Variants in GALNT15 observed in about 807,000 individuals in gnomAD.
The protein encoded by GALNT15 is UDP-GalNAc transferase T15.
A neutral mutation model predicts 66.8 loss-of-function variants in GALNT15; 67 were observed. The ratio of observed to expected loss-of-function variants is 1.00; its 90% confidence interval spans 0.82 to 1.23. The LOEUF (loss-of-function observed/expected upper bound fraction) is 1.23, where lower values mean the gene tolerates loss of function less well. GALNT15 is among the 50% of genes most tolerant of loss of function. The pLI is 0.00. For missense variants in GALNT15, 827 were observed against 804.3 expected (o/e 1.03, Z -0.34); for synonymous variants, 313 against 311.5 (o/e 1.00, Z -0.05).
chr3:16,178,018 G>A (rs2063429530), intron 1 of GALNT15, among the ~76,000 whole-genome samples: 1 of 152,134 alleles, frequency 6.6e-6, no homozygotes, highest in Non-Finnish European at 1.5e-5. Context: ...TGTGCATGTG[G>A]TGTGATGTGC....
Position 16,201,322 on chromosome 3 carries a change from C to T in GALNT15, c.911+499C>T, listed in dbSNP as rs372048127. ...TCAGCCTCCCGAGTAGCTGGGACTA[C>T]AGGCGCCCGCCACCACACCCGGCTA... On this transcript the variant is annotated intron_variant, in intron 3 of 9. Coordinates refer to ENST00000339732, the MANE Select transcript of GALNT15 (RefSeq NM_054110.5). Among the ~76,000 whole-genome samples, 8 of 152,120 alleles carry T rather than the reference C, an allele frequency of 5.3e-5. No homozygotes were observed. In the East Asian group the frequency reaches 1.2e-3, roughly 22 times the overall value.
chr3:16,206,925 G>T (rs2063763716), intron 3 of GALNT15, among the ~76,000 whole-genome samples: 1 of 152,124 alleles, frequency 6.6e-6, no homozygotes, highest in Non-Finnish European at 1.5e-5. Flanking sequence ...GTAAGTGGAG[G>T]CTCTGGAAGG....
At chr3:16,192,938 A>G (rs2063595063) in intron 1 of GALNT15, among the ~76,000 whole-genome samples, 1 of 152,196 alleles carries the variant, frequency 6.6e-6, no homozygotes, top group Non-Finnish European at 1.5e-5. Context: ...ATGGGTGTTA[A>G]ATTTTCTCTT....
rs868128182 is a variant in GALNT15 at position 16,203,535 on chromosome 3, T to A, written c.911+2712T>A. ...TGGTCACTCATTCTCTCTCTCTCTC[T>A]CTCTCTCTCACACACACACACACAC... On this transcript the variant is annotated intron_variant, in intron 3 of 9. Transcript: ENST00000339732. The surrounding 1 kb of genome is among the most constrained non-coding windows in gnomAD (Gnocchi z 6.2). 2.6e-4 allele frequency among the ~76,000 whole-genome samples: 24 copies of A among 91,194 alleles called. No individual in the cohort carries two copies. The highest frequency in any genetic ancestry group is 9.2e-4 in the African/African-American group (24 of 25,980). The allele number at this position is 91,194 out of a possible 152,430, so 59.8% of individuals were successfully genotyped here. A position where few individuals can be genotyped will look rare whatever the true frequency, so the allele number is the denominator to read the frequency against.
At position 16,175,642 on chromosome 3, in the gene GALNT15, G is replaced by A. The variant is rs779002858; in HGVS notation, c.491G>A (p.Ser164Asn). The A allele has an allele frequency of 5.0e-6, 8 of 1,612,050 alleles. No homozygotes were observed. The highest frequency in any genetic ancestry group is 6.8e-6 in the Non-Finnish European group (8 of 1,179,430). ...CCACGTGGCCTCCAGGAGGCACTCA[G>A]TGCCCGCATCCCCCTCCAGAGGGCT... The part of the protein sequence containing the change: ...LDPRGLQEAL[S>N]ARIPLQRALP... Residue 164 changes from serine to asparagine, a missense_variant, in exon 1 of 10, where the codon AGT (serine) becomes AAT (asparagine). Ser to Asn is a conservative substitution (Grantham distance 46). Transcript: ENST00000339732. The surrounding 1 kb of genome is among the most constrained non-coding windows in gnomAD (Gnocchi z 5.6).
rs1426918013 is a variant in GALNT15, at chr3:16,212,493, C to T, written c.1198-76C>T. ...TTTCCTGTGCATTTTGCCAGCCCCT[C>T]ATAGATAGGGCTCCCTATTTCCCGC... On this transcript the variant is annotated intron_variant, in intron 5 of 9. Coordinates refer to ENST00000339732, the MANE Select transcript of GALNT15 (RefSeq NM_054110.5). The T allele has an allele frequency of 2.9e-6, 4 of 1,395,408 alleles. No individual in the cohort carries two copies. The Admixed American group carries it at 8.1e-5, about 28-fold the overall frequency. 86.4% of individuals were successfully genotyped at this position (1,395,408 alleles called of 1,614,324 possible).
In GALNT15 at chr3:16,219,433, C is replaced by CA. The variant is rs758779261; in HGVS notation, c.1424dup (p.Leu476AlafsTer16). ...GAAGCCAGACTGCATGGAACGCTTG[C>CA]AGCTGCAAAGGAGACTGGGTTGTCG... On this transcript the variant is annotated frameshift_variant, in exon 7 of 10. Transcript: ENST00000339732. LOFTEE classifies it high-confidence loss of function. The surrounding 1 kb of genome is among the most constrained non-coding windows in gnomAD (Gnocchi z 4.3). The CA allele has an allele frequency of 6.8e-6, 11 of 1,614,088 alleles. No individual in the cohort carries two copies. In the African/African-American group the frequency reaches 1.2e-4, roughly 18 times the overall value.
At chr3:16,241,334 G>A in the GALNT15 span, among the ~76,000 whole-genome samples, 1 of 152,108 alleles carries the variant, frequency 6.6e-6, no homozygotes, top group African/African-American at 2.4e-5. This position sits in a 1 kb window ranked among gnomAD's most constrained non-coding sequence, Gnocchi z 4.6. Flanking sequence ...CAGAATGAAA[G>A]TGGAAAAGAA....
In GALNT15 at chr3:16,211,337, G is replaced by A; in HGVS notation, c.1197+96G>A. The A allele has an allele frequency of 1.3e-6, 1 of 788,454 alleles. No individual in the cohort carries two copies. The highest frequency in any genetic ancestry group is 2.2e-6 in the Non-Finnish European group (1 of 455,032). 48.8% of individuals were successfully genotyped at this position (788,454 alleles called of 1,614,324 possible). ...AGGCATTAGAAATGTCACTGGGAAG[G>A]AATGAGGCTGTGGGAAAATTATAAA... On this transcript the variant is annotated intron_variant, in intron 5 of 9. Transcript: ENST00000339732. This position sits in a 1 kb window ranked among gnomAD's most constrained non-coding sequence, Gnocchi z 4.3.
At chr3:16,207,302 C>T (rs1357678645) in intron 3 of GALNT15, among the ~76,000 whole-genome samples, 4 of 151,954 alleles carry the variant, frequency 2.6e-5, no homozygotes. Flanking sequence ...TCTAGCCACC[C>T]TGAAGTTCAG....
At position 16,227,986 on chromosome 3, in the gene GALNT15, A is replaced by G. The variant is rs2064041242; in HGVS notation, c.*486A>G. 1 of 991,376 alleles carries G rather than the reference A, an allele frequency of 1.0e-6. No homozygotes were observed. Among genetic ancestry groups the G allele is most frequent in the Admixed American group, 6.0e-5 (1 of 16,632 alleles). The allele number at this position is 991,376 out of a possible 1,614,324, so 61.4% of individuals were successfully genotyped here. A position where few individuals can be genotyped will look rare whatever the true frequency, so the allele number is the denominator to read the frequency against. On this transcript the variant is annotated 3_prime_UTR_variant, in exon 10 of 10. Transcript: ENST00000339732. This position sits in a 1 kb window ranked among gnomAD's most constrained non-coding sequence, Gnocchi z 4.5. ...AACTCTGAATTGGGTTTATTAGCAC[A>G]AATGTTGTGTTCATTTGTTGAGCCA...
intron 2 of GALNT15, among the ~76,000 whole-genome samples, chr3:16,197,606 T>C (rs9863989): frequency 0.013 from 2,009 of 152,314 alleles, 46 homozygotes; most frequent in African/African-American, 0.045. Context: ...CTGAGCCACC[T>C]TGATGGGCTT....
At chr3:16,194,940 A>G (rs1009473276) in intron 1 of GALNT15, among the ~76,000 whole-genome samples, 1 of 152,258 alleles carries the variant, frequency 6.6e-6, no homozygotes, top group Middle Eastern at 3.2e-3. Context: ...ATGTTTACCT[A>G]TGTAGCAAAC....
chr3:16,247,785 C>A, the GALNT15 span, among the ~76,000 whole-genome samples: 1 of 152,224 alleles, frequency 6.6e-6, no homozygotes, highest in Admixed American at 6.5e-5. Context: ...GGGCTTCCCT[C>A]GACCTCAGTC....
In GALNT15 at chr3:16,175,679, G is replaced by A. The variant is rs1363601449; in HGVS notation, c.528G>A (p.Val176=). 6.3e-7 allele frequency: 1 copy of A among 1,586,868 alleles called. No homozygotes were observed. Among genetic ancestry groups the A allele is most frequent in the East Asian group, 2.2e-5 (1 of 44,494 alleles). The change falls in exon 1 of 10, where the codon GTG becomes GTA. Residue 176 remains valine (V), a synonymous_variant. Coordinates refer to ENST00000339732, the MANE Select transcript of GALNT15 (RefSeq NM_054110.5). The surrounding 1 kb of genome is among the most constrained non-coding windows in gnomAD (Gnocchi z 5.6). ...RIPLQRALPE[V]RHPLCLQQHP... ...CCCTCCAGAGGGCTCTGCCCGAGGTGCGGCACCCACTGTAAGTAAGGCCCT... is the reference window on the plus strand; with the variant it reads ...CCCTCCAGAGGGCTCTGCCCGAGGTACGGCACCCACTGTAAGTAAGGCCCT...
chr3:16,243,332 C>G, the GALNT15 span, among the ~76,000 whole-genome samples: 14 of 152,352 alleles, frequency 9.2e-5, no homozygotes, highest in Non-Finnish European at 1.8e-4. Context: ...ACACTGGACA[C>G]CGAAACATCT....
Position 16,200,381 on chromosome 3 carries a change from C to T in GALNT15, c.707-238C>T, listed in dbSNP as rs1241904665. On this transcript the variant is annotated intron_variant, in intron 2 of 9. Coordinates refer to ENST00000339732, the MANE Select transcript of GALNT15 (RefSeq NM_054110.5). The surrounding 1 kb of genome is among the most constrained non-coding windows in gnomAD (Gnocchi z 4.4). ...TTTGGAGAATGTTAGCAAGTTCTCC[C>T]CTTTCCTGGTTTTCTGACACCATCC... is the stretch of plus-strand genomic sequence containing the variant. 2.0e-5 allele frequency among the ~76,000 whole-genome samples: 3 copies of T among 152,176 alleles called. No individual in the cohort carries two copies. Among genetic ancestry groups the T allele is most frequent in the Non-Finnish European group, 4.4e-5 (3 of 68,042 alleles).
chr3:16,207,501 TAAAAAAAAAAAAAAAAAAAAAAAAAAAAA>T lies in GALNT15; in HGVS notation c.912-988_912-960del, dbSNP rs36127239. On this transcript the variant is annotated intron_variant, in intron 3 of 9. Transcript: ENST00000339732. ...ACTCTGCAGTCATATCTCCAGGCTG[TAAAAAAAAAAAAAAAAAAAAAAAAAAAAA>T]AAAAAAAAAAAAATTGGGCCTAAAA... Among the ~76,000 whole-genome samples the T allele has an allele frequency of 7.5e-5, 3 of 39,802 alleles. 1 individual carries two copies. The highest frequency in any genetic ancestry group is 3.2e-4 in the African/African-American group (3 of 9,370). 26.1% of individuals were successfully genotyped at this position (39,802 alleles called of 152,430 possible).
At position 16,188,319 on chromosome 3, in the gene GALNT15, A is replaced by T. The variant is rs1409222485; in HGVS notation, c.540-7441A>T. ...AAATGGCAGCCATAGGTCGTGTCCCATCACAGACATGTTTGTTTGGCCATG... is the reference window on the plus strand; with the variant it reads ...AAATGGCAGCCATAGGTCGTGTCCCTTCACAGACATGTTTGTTTGGCCATG... On this transcript the variant is annotated intron_variant, in intron 1 of 9. Transcript: ENST00000339732. This position sits in a 1 kb window ranked among gnomAD's most constrained non-coding sequence, Gnocchi z 4.6. Among the ~76,000 whole-genome samples, 1 of 152,268 alleles carries T rather than the reference A, an allele frequency of 6.6e-6. No homozygotes were observed. The highest frequency in any genetic ancestry group is 1.5e-5 in the Non-Finnish European group (1 of 68,054).
Sources: allele counts gnomAD v4.1 joint callset (sites outside exome capture counted in the v4.1 genomes callset), GRCh38; gene constraint gnomAD v4.1.1; non-coding constraint Gnocchi (gnomAD v3.1); transcripts MANE v1.5; gene names NCBI Gene and HGNC (gene_info 2026-07-23, HGNC 2026-07-21).